Variants in BCAS3 observed in about 807,000 individuals in gnomAD.
BCAS3 encodes BCAS4/BCAS3 fusion.
BCAS3 carries 53 observed loss-of-function variants against 116.1 expected under a neutral mutation model. The ratio of observed to expected loss-of-function variants is 0.46; its 90% CI spans 0.37 to 0.57. BCAS3 has a LOEUF of 0.57. BCAS3 is among the 20% of genes least tolerant of loss of function. BCAS3 has a pLI of 0.00. For synonymous variants in BCAS3, 391 were observed against 408.2 expected, an observed-to-expected ratio of 0.96 and a Z score of 0.51; for missense variants, 917 against 1,165.4, an observed-to-expected ratio of 0.79 and a Z score of 3.10.
chr17:60,725,560 C>T (rs189603708), intron 5 of BCAS3, among the ~76,000 whole-genome samples: 2 of 152,210 alleles, frequency 1.3e-5, no homozygotes, highest in Non-Finnish European at 1.5e-5. Context: ...CAGTGGTTCC[C>T]GACCAGGAGT....
At position 61,285,739 on chromosome 17, in the gene BCAS3, G is replaced by A. The variant is rs965898855; in HGVS notation, c.2426-82588G>A. On this transcript the variant is annotated intron_variant, in intron 22 of 23. Transcript: ENST00000407086. This position sits in a 1 kb window ranked among gnomAD's most constrained non-coding sequence, Gnocchi z 5.4. Reference sequence around the variant, plus strand: ...TGGCCGATAAGGCTTGTTTATCCAGGAGACAAGAGACTAGGAGCTAGGAGC... The same window carrying A: ...TGGCCGATAAGGCTTGTTTATCCAGAAGACAAGAGACTAGGAGCTAGGAGC... 1.3e-5 allele frequency among the ~76,000 whole-genome samples: 2 copies of A among 152,172 alleles called. No individual in the cohort carries two copies. Among genetic ancestry groups the A allele is most frequent in the African/African-American group, 4.8e-5 (2 of 41,418 alleles).
intron 22 of BCAS3, among the ~76,000 whole-genome samples, chr17:61,125,367 G>C (rs1315239559): frequency 6.6e-6 from 1 of 152,106 alleles, no homozygotes; most frequent in African/African-American, 2.4e-5. Context: ...CTTTCTTATA[G>C]TGTGGTCATA....
intron 17 of BCAS3, chr17:61,036,480 C>T (rs565991983): frequency 2.0e-5 from 3 of 152,230 alleles, no homozygotes; most frequent in East Asian, 3.9e-4. Flanking sequence ...ATGATGCTAT[C>T]GAAAGGACTT....
chr17:60,698,747 C>T (rs1424059111), intron 4 of BCAS3, among the ~76,000 whole-genome samples: 1 of 151,864 alleles, frequency 6.6e-6, no homozygotes, highest in Non-Finnish European at 1.5e-5. Context: ...TGAAGTTGAC[C>T]TCTCTGCATA....
intron 22 of BCAS3, among the ~76,000 whole-genome samples, chr17:61,099,330 CAGTG>C (rs1284844280): frequency 1.3e-4 from 20 of 152,158 alleles, no homozygotes; most frequent in African/African-American, 4.3e-4. Context: ...TAATGATAGT[CAGTG>C]ATGATTAATA....
intron 10 of BCAS3, among the ~76,000 whole-genome samples, chr17:60,897,812 C>T (rs1015762176): frequency 6.6e-6 from 1 of 152,080 alleles, no homozygotes; most frequent in South Asian, 2.1e-4. Context: ...ACCTCCAGGG[C>T]TCAGGTGATC....
At chr17:60,959,525 A>T (rs1381551163) in intron 14 of BCAS3, among the ~76,000 whole-genome samples, 2 of 152,154 alleles carry the variant, frequency 1.3e-5, no homozygotes, top group East Asian at 3.8e-4. Context: ...GAGGAACTAA[A>T]TTTCTCATAT....
In BCAS3 at chr17:61,248,049, A is replaced by G. The variant is rs950167603; in HGVS notation, c.2426-120278A>G. On this transcript the variant is annotated intron_variant, in intron 22 of 23. Coordinates refer to ENST00000407086, the MANE Select transcript of BCAS3 (RefSeq NM_017679.5). The surrounding 1 kb of genome is among the most constrained non-coding windows in gnomAD (Gnocchi z 4.3). ...TACTTTGTTGGGATGTTTTGTTAGG[A>G]TGCTTTTCTGAATTTTTCCACATCT... Among the ~76,000 whole-genome samples, 2 of 152,150 alleles carry G rather than the reference A, an allele frequency of 1.3e-5. 1 individual carries two copies. The highest frequency in any genetic ancestry group is 4.1e-4 in the South Asian group (2 of 4,834).
intron 7 of BCAS3, among the ~76,000 whole-genome samples, chr17:60,838,016 G>A (rs1487610515): frequency 1.3e-5 from 2 of 152,014 alleles, no homozygotes; most frequent in Non-Finnish European, 2.9e-5. Flanking sequence ...AAATTTTAAA[G>A]CTTATTTTTC....
At position 61,198,782 on chromosome 17, in the gene BCAS3, G is replaced by A. The variant is rs751124716; in HGVS notation, c.2425+114218G>A. Among the ~76,000 whole-genome samples, 6 of 152,104 alleles carry A rather than the reference G, an allele frequency of 3.9e-5. No individual in the cohort carries two copies. Among genetic ancestry groups the A allele is most frequent in the African/African-American group, 9.7e-5 (4 of 41,410 alleles). ...GAGACAGAGGCTTAGAGGTGTCCTC[G>A]GAATTTTAGAACTAACGGTTTAATT... On this transcript the variant is annotated intron_variant, in intron 22 of 23. Transcript: ENST00000407086. This position sits in a 1 kb window ranked among gnomAD's most constrained non-coding sequence, Gnocchi z 5.0.
In BCAS3 at chr17:61,219,682, C is replaced by A. The variant is rs1455376316; in HGVS notation, c.2425+135118C>A. Among the ~76,000 whole-genome samples, 1 of 152,082 alleles carries A rather than the reference C, an allele frequency of 6.6e-6. No individual in the cohort carries two copies. Among genetic ancestry groups the A allele is most frequent in the Non-Finnish European group, 1.5e-5 (1 of 68,028 alleles). ...TCCTTGGAGGGTTGCAAATAGCTGC[C>A]GTGAGAAACCCTCTCTGCTGCTCTG... On this transcript the variant is annotated intron_variant, in intron 22 of 23. Coordinates refer to ENST00000407086, the MANE Select transcript of BCAS3 (RefSeq NM_017679.5). This position sits in a 1 kb window ranked among gnomAD's most constrained non-coding sequence, Gnocchi z 5.2.
chr17:61,145,858 T>C lies in BCAS3; in HGVS notation c.2425+61294T>C, dbSNP rs1280024924. Reference sequence around the variant, plus strand: ...TTTGAACTTCATGTACAAGACATATTTCATTTTTTTTTCTTCCCTCACAAA... The same window carrying C: ...TTTGAACTTCATGTACAAGACATATCTCATTTTTTTTTCTTCCCTCACAAA... On this transcript the variant is annotated intron_variant, in intron 22 of 23. Transcript: ENST00000407086. The surrounding 1 kb of genome is among the most constrained non-coding windows in gnomAD (Gnocchi z 5.0). Among the ~76,000 whole-genome samples the C allele has an allele frequency of 5.2e-5, 1 of 19,082 alleles. No homozygotes were observed. Among genetic ancestry groups the C allele is most frequent in the Non-Finnish European group, 8.7e-4 (1 of 1,146 alleles). 12.5% of individuals were successfully genotyped at this position (19,082 alleles called of 152,430 possible).
intron 6 of BCAS3, among the ~76,000 whole-genome samples, chr17:60,763,555 C>T (rs1007164632): frequency 5.3e-5 from 8 of 152,132 alleles, no homozygotes; most frequent in Non-Finnish European, 1.0e-4. Context: ...CCAACTTGAT[C>T]TTGGTGGATA....
At chr17:60,748,306 A>G (rs1026477870) in intron 6 of BCAS3, among the ~76,000 whole-genome samples, 4 of 152,214 alleles carry the variant, frequency 2.6e-5, no homozygotes, top group Non-Finnish European at 5.9e-5. Context: ...AAGCAACAGT[A>G]TCTTGCAGTC....
intron 19 of BCAS3, among the ~76,000 whole-genome samples, chr17:61,057,830 C>A (rs1264819230): frequency 1.3e-5 from 2 of 152,008 alleles, no homozygotes; most frequent in African/African-American, 4.8e-5. Context: ...TGAATTATTT[C>A]TTATTTCCAA....
chr17:61,287,615 A>G (rs2051958552), intron 22 of BCAS3, among the ~76,000 whole-genome samples: 1 of 152,018 alleles, frequency 6.6e-6, no homozygotes, highest in Non-Finnish European at 1.5e-5. Flanking sequence ...AGTCCCAGCT[A>G]CTACTGAGGC....
At chr17:61,072,178 T>G (rs1253271343) in intron 19 of BCAS3, among the ~76,000 whole-genome samples, 1 of 152,164 alleles carries the variant, frequency 6.6e-6, no homozygotes, top group Non-Finnish European at 1.5e-5. Context: ...ATTACTTCCT[T>G]TGGAAAGTTA....
intron 6 of BCAS3, among the ~76,000 whole-genome samples, chr17:60,751,455 A>G (rs2042445855): frequency 6.6e-6 from 1 of 152,170 alleles, no homozygotes; most frequent in Non-Finnish European, 1.5e-5. Context: ...AATAAAATGT[A>G]TCAGTATGTA....
chr17:60,815,513 G>A (rs890512682), intron 7 of BCAS3, among the ~76,000 whole-genome samples: 1 of 152,086 alleles, frequency 6.6e-6, no homozygotes, highest in African/African-American at 2.4e-5. Flanking sequence ...TCAAGAATGG[G>A]CAGATTCCTT....
Sources: allele counts gnomAD v4.1 joint callset (sites outside exome capture counted in the v4.1 genomes callset), GRCh38; gene constraint gnomAD v4.1.1; non-coding constraint Gnocchi (gnomAD v3.1); transcripts MANE v1.5; gene names NCBI Gene and HGNC (gene_info 2026-07-23, HGNC 2026-07-21).